CEP164: variants seen among roughly 807,000 people sequenced by gnomAD.
CEP164 encodes the protein centrosomal protein of 164 kDa.
A neutral mutation model predicts 182.7 loss-of-function variants in CEP164; 162 were observed. The observed-to-expected ratio is 0.89, with a 90% CI of 0.78 to 1.01. The LOEUF (loss-of-function observed/expected upper bound fraction) is 1.01. CEP164 is among the 50% of genes least tolerant of loss of function. The pLI is 0.00. For synonymous variants in CEP164, 661 were observed against 690.0 expected, an observed-to-expected ratio of 0.96 and a Z score of 0.66; for missense variants, 1,735 against 1,790.4, an observed-to-expected ratio of 0.97 and a Z score of 0.56.
At chr11:117,325,682 G>A (rs555826581), upstream of CEP164, among the ~76,000 whole-genome samples, 5 of 152,166 alleles carry the variant, frequency 3.3e-5, no homozygotes, top group East Asian at 7.7e-4. Context: ...CACTGTGACC[G>A]GCCAAGACTT....
chr11:117,338,671 A>G lies in CEP164; in HGVS notation c.82+3A>G. 6.2e-7 allele frequency: 1 copy of G among 1,610,034 alleles called. No individual in the cohort carries two copies. Among genetic ancestry groups the G allele is most frequent in the Non-Finnish European group, 8.5e-7 (1 of 1,176,240 alleles). ...GACCTACATTCCTAGTGAGCAAGGT[A>G]ACAAGTCTGTGAAGAGGCCTGTGGT... On this transcript the variant is annotated splice_donor_region_variant and intron_variant, in intron 3 of 32. Coordinates refer to ENST00000278935, the MANE Select transcript of CEP164 (RefSeq NM_014956.5).
intron 28 of CEP164, among the ~76,000 whole-genome samples, chr11:117,408,251 G>GA (rs139225595): frequency 0.038 from 5,749 of 152,278 alleles, 187 homozygotes; most frequent in Non-Finnish European, 0.059. Context: ...GAATGGTCCG[G>GA]AATATACCTG....
At chr11:117,362,970 ATGTT>A (rs1276948553) in intron 7 of CEP164, among the ~76,000 whole-genome samples, 8 of 152,192 alleles carry the variant, frequency 5.3e-5, no homozygotes, top group African/African-American at 1.9e-4. Context: ...AGCTTCATCT[ATGTT>A]GTAGCATGTA....
intron 8 of CEP164, among the ~76,000 whole-genome samples, chr11:117,368,566 C>G (rs903716580): frequency 2.6e-5 from 4 of 152,196 alleles, no homozygotes; most frequent in Admixed American, 2.0e-4. Context: ...CCGGGGGGAG[C>G]CTTTCTTTAA....
At chr11:117,403,708 T>C (rs1018728953) in intron 27 of CEP164, among the ~76,000 whole-genome samples, 2 of 152,202 alleles carry the variant, frequency 1.3e-5, no homozygotes, top group African/African-American at 2.4e-5. Context: ...CCTGTCCTGC[T>C]AGGTTGGGGA....
intron 5 of CEP164, chr11:117,355,716 G>A: frequency 4.2e-6 from 5 of 1,182,004 alleles, no homozygotes; most frequent in Non-Finnish European, 5.3e-6. Context: ...GAACCTCCTG[G>A]ACTGTGGATG....
At chr11:117,336,608 C>T in intron 2 of CEP164, 1 of 1,370,824 alleles carries the variant, frequency 7.3e-7, no homozygotes, top group Non-Finnish European at 1.0e-6. Context: ...TTGGCCCTGG[C>T]TGTCTGGCAT....
chr11:117,374,105 G>A (rs2042497029), intron 10 of CEP164, among the ~76,000 whole-genome samples: 1 of 152,008 alleles, frequency 6.6e-6, no homozygotes, highest in Admixed American at 6.6e-5. Context: ...ACATTAAAAT[G>A]TTAGCTATTA....
At position 117,396,463 on chromosome 11, in the gene CEP164, G is replaced by T. The variant is rs978742300; in HGVS notation, c.3217-87G>T. ...AGCTAGAGAGCCATTTCCTTGTCTA[G>T]ACCACTGGGAGGGGCTTTGGGGTCT... On this transcript the variant is annotated intron_variant, in intron 25 of 32. Transcript: ENST00000278935. 9 of 1,102,080 alleles carry T rather than the reference G, an allele frequency of 8.2e-6. No homozygotes were observed. In the African/African-American group the frequency reaches 1.2e-4, roughly 15 times the overall value. 68.3% of individuals were successfully genotyped at this position (1,102,080 alleles called of 1,614,324 possible). A position where few individuals can be genotyped will look rare whatever the true frequency, so the allele number is the denominator to read the frequency against.
intron 8 of CEP164, among the ~76,000 whole-genome samples, chr11:117,367,032 A>T (rs1486904496): frequency 6.6e-6 from 1 of 152,176 alleles, no homozygotes; most frequent in African/African-American, 2.4e-5. Context: ...GTGAGCAGGG[A>T]TGAGCTGAGG....
intron 14 of CEP164, among the ~76,000 whole-genome samples, chr11:117,383,578 C>T (rs1238039225): frequency 6.6e-6 from 1 of 152,170 alleles, no homozygotes; most frequent in East Asian, 1.9e-4. Flanking sequence ...TTCTGATTCA[C>T]CTATGTTGTT....
chr11:117,328,073 A>T (rs2508665), intron 1 of CEP164, 169 bp downstream of exon 1: 41,717 of 152,276 alleles, frequency 0.27, 5,865 homozygotes, highest in African/African-American at 0.33. Flanking sequence ...CTCTCGAGCC[A>T]ACGAGCGTGA....
upstream of CEP164, among the ~76,000 whole-genome samples, chr11:117,324,912 A>C (rs560564): frequency 0.43 from 64,884 of 151,878 alleles, 14,289 homozygotes; most frequent in East Asian, 0.76. Context: ...CAAACAAACA[A>C]ACAAAAAACC....
chr11:117,363,460 A>G lies in CEP164; in HGVS notation c.719A>G (p.Asn240Ser). 6.2e-7 allele frequency: 1 copy of G among 1,613,916 alleles called. No individual in the cohort carries two copies. Among genetic ancestry groups the G allele is most frequent in the Non-Finnish European group, 8.5e-7 (1 of 1,179,904 alleles). ...SVHSSSEPLR[N>S]LHLDIGALGG... is the part of the protein sequence containing the mutation. ...CACAGCTCAAGTGAGCCTCTTAGGA[A>G]CCTACACCTGGACATTGGGGCACTG... Residue 240 changes from asparagine (N) to serine (S), a missense_variant, in exon 8 of 33, where the codon AAC becomes AGC. Physicochemically the swap from Asn to Ser is conservative, Grantham distance 46. Transcript: ENST00000278935.
At chr11:117,374,121 C>G (rs1256800134) in intron 10 of CEP164, among the ~76,000 whole-genome samples, 1 of 152,048 alleles carries the variant, frequency 6.6e-6, no homozygotes, top group East Asian at 1.9e-4. Context: ...TATTATTACT[C>G]TCACTATTGT....
intron 15 of CEP164, among the ~76,000 whole-genome samples, chr11:117,389,440 T>C (rs1386730027): frequency 6.6e-6 from 1 of 152,258 alleles, no homozygotes. Flanking sequence ...CTACTTTATG[T>C]CAGCTACTAT....
At position 117,394,589 on chromosome 11, in the gene CEP164, T is replaced by A; in HGVS notation, c.2760+96T>A. The A allele has an allele frequency of 6.8e-7, 1 of 1,469,350 alleles. No homozygotes were observed. Among genetic ancestry groups the A allele is most frequent in the Non-Finnish European group, 9.2e-7 (1 of 1,090,124 alleles). 91.0% of individuals were successfully genotyped at this position (1,469,350 alleles called of 1,614,324 possible). A position where few individuals can be genotyped will look rare whatever the true frequency, so the allele number is the denominator to read the frequency against. Reference sequence around the variant, plus strand: ...CGCATGGCCCCAGCAGGATGCAGCCTGACAGCTTCTGGAGTGAGAGTCTCT... The same window carrying A: ...CGCATGGCCCCAGCAGGATGCAGCCAGACAGCTTCTGGAGTGAGAGTCTCT... On this transcript the variant is annotated intron_variant, in intron 21 of 32. Transcript: ENST00000278935. The surrounding 1 kb of genome is among the most constrained non-coding windows in gnomAD (Gnocchi z 4.0).
intron 10 of CEP164, among the ~76,000 whole-genome samples, 198 bp downstream of exon 10, chr11:117,374,029 G>C (rs996218347): frequency 6.6e-6 from 1 of 152,132 alleles, no homozygotes; most frequent in African/African-American, 2.4e-5. Context: ...GTTGTGAGAA[G>C]AAAGTGAGGC....
chr11:117,408,777 C>T (rs2046992313), intron 28 of CEP164, 113 bp from the exon 29 acceptor site: 4 of 1,381,428 alleles, frequency 2.9e-6, no homozygotes, highest in Non-Finnish European at 4.0e-6. Flanking sequence ...AGCTTAAAGA[C>T]AAAACATAAA....
Sources: gnomAD v4.1 joint callset for allele counts (sites outside exome capture counted in the v4.1 genomes callset) on GRCh38, gnomAD v4.1.1 for gene constraint, Gnocchi (gnomAD v3.1) non-coding constraint, MANE v1.5 for transcripts, NCBI Gene and HGNC (gene_info 2026-07-23, HGNC 2026-07-21) for gene names.